The following KIF24 variants were observed in gnomAD, a reference collection of about 807,000 sequenced individuals.
KIF24 encodes kinesin family member 24.
Under a neutral mutation model 118.9 loss-of-function variants are expected in KIF24, and 81 were observed. The ratio of observed to expected loss-of-function variants is 0.68; its 90% CI spans 0.57 to 0.82. KIF24 has a LOEUF of 0.82. Among genes scored for constraint, KIF24 ranks in the 40% least tolerant of loss-of-function variants. KIF24 has a pLI of 0.00. For missense variants in KIF24, 1,560 were observed against 1,661.6 expected, an observed-to-expected ratio of 0.94 and a Z score of 1.06; for synonymous variants, 599 against 610.0, an observed-to-expected ratio of 0.98 and a Z score of 0.27.
chr9:34,262,712 A>ATATATATATATATG (rs1278590736), intron 9 of KIF24, among the ~76,000 whole-genome samples: 5 of 50,254 alleles, frequency 9.9e-5, no homozygotes, highest in African/African-American at 3.1e-4. Flanking sequence ...ATATATATAT[A>ATATATATATATATG]TGGCCAGGCA....
chr9:34,317,984 T>C (rs562082285), intron 1 of KIF24, among the ~76,000 whole-genome samples: 6 of 152,312 alleles, frequency 3.9e-5, no homozygotes, highest in African/African-American at 1.4e-4. Flanking sequence ...CTTAAAATCT[T>C]AATTTTTTTT....
At position 34,311,288 on chromosome 9, in the gene KIF24, T is replaced by C; in HGVS notation, c.59A>G (p.His20Arg). Residue 20 changes from histidine to arginine, a missense_variant, in exon 2 of 13, where the codon CAT becomes CGT. Coordinates refer to ENST00000402558, the MANE Select transcript of KIF24 (RefSeq NM_194313.4). ...CEAELAQYYS[H>R]FTALGLQKID... Reference sequence around the variant, plus strand: ...TTTCTGAAGGCCAAGGGCAGTGAAATGAGAATAATACTGTGCAAGTTCAGC... The same window carrying C: ...TTTCTGAAGGCCAAGGGCAGTGAAACGAGAATAATACTGTGCAAGTTCAGC... The C allele has an allele frequency of 6.2e-7, 1 of 1,610,434 alleles. No homozygotes were observed. Among genetic ancestry groups the C allele is most frequent in the East Asian group, 2.2e-5 (1 of 44,842 alleles).
rs1213493493 is a variant in KIF24, at chr9:34,321,603, C to CTT, written c.-26+7501_-26+7502dup. On this transcript the variant is annotated intron_variant, in intron 1 of 12. Transcript: ENST00000402558. ...AGCTATACATACATACATACTTCTT[C>CTT]TTTTTTTTTTTTTTTTTTTTAGAGA... Among the ~76,000 whole-genome samples the CTT allele has an allele frequency of 9.5e-3, 944 of 99,206 alleles. 17 individuals carry two copies. The highest frequency in any genetic ancestry group is 0.013 in the African/African-American group (361 of 27,880). The allele number at this position is 99,206 out of a possible 152,430, so 65.1% of individuals were successfully genotyped here. A position where few individuals can be genotyped will look rare whatever the true frequency, so the allele number is the denominator to read the frequency against.
Position 34,317,924 on chromosome 9 carries a change from G to A in KIF24, c.-25-6553C>T, listed in dbSNP as rs147665887. 5.4e-3 allele frequency among the ~76,000 whole-genome samples: 825 copies of A among 152,226 alleles called. 8 individuals carry two copies. The highest frequency in any genetic ancestry group is 0.012 in the African/African-American group (513 of 41,530). On this transcript the variant is annotated intron_variant, in intron 1 of 12. Transcript: ENST00000402558. ...CTATCCATGGTTTCAGGCATCCACC[G>A]GGGGTCTTGGAATATATCCTCCTTG...
intron 1 of KIF24, among the ~76,000 whole-genome samples, chr9:34,325,746 G>T (rs1837653029): frequency 6.6e-6 from 1 of 152,062 alleles, no homozygotes; most frequent in African/African-American, 2.4e-5. Flanking sequence ...TTCAATAATT[G>T]TTTAATGAAT....
chr9:34,322,005 G>C (rs1396372130), intron 1 of KIF24, among the ~76,000 whole-genome samples: 2 of 152,046 alleles, frequency 1.3e-5, no homozygotes, highest in Non-Finnish European at 2.9e-5. Flanking sequence ...ATAATATTTG[G>C]TCCATGAAGG....
chr9:34,270,660 T>C (rs1835470468), intron 7 of KIF24, among the ~76,000 whole-genome samples: 1 of 148,928 alleles, frequency 6.7e-6, no homozygotes, highest in Admixed American at 6.7e-5. Flanking sequence ...GGCTGCGACA[T>C]CTGTCACCCC....
intron 1 of KIF24, among the ~76,000 whole-genome samples, chr9:34,322,401 C>T (rs1384815860): frequency 2.0e-5 from 3 of 151,860 alleles, no homozygotes; most frequent in Non-Finnish European, 2.9e-5. Context: ...GATGAGGTCT[C>T]AATGTTGCCC....
Position 34,256,834 on chromosome 9 carries a change from T to TA in KIF24, c.2772dup (p.Thr925TyrfsTer25), listed in dbSNP as rs765305313. ...TCTCTGGGAGAAGGCCCTGAGGAAGTAGAGTTCTCTCTGCTCCAGTCCACG... is the reference window on the plus strand; with the variant it reads ...TCTCTGGGAGAAGGCCCTGAGGAAGTAAGAGTTCTCTCTGCTCCAGTCCACG... On this transcript the variant is annotated frameshift_variant, in exon 11 of 13. Transcript: ENST00000402558. LOFTEE classifies it high-confidence loss of function. The TA allele has an allele frequency of 4.3e-6, 7 of 1,613,980 alleles. No homozygotes were observed. The highest frequency in any genetic ancestry group is 2.2e-5 in the East Asian group (1 of 44,886).
chr9:34,272,054 G>C, intron 6 of KIF24, 124 bp from the exon 7 acceptor site: 1 of 772,252 alleles, frequency 1.3e-6, no homozygotes, highest in Non-Finnish European at 2.0e-6. Context: ...AGTTTTTTCT[G>C]TCCAGGTGGA....
chr9:34,327,716 T>C (rs529584866), intron 1 of KIF24, among the ~76,000 whole-genome samples: 13 of 152,176 alleles, frequency 8.5e-5, no homozygotes, highest in African/African-American at 3.1e-4. Context: ...TTCAATTCTT[T>C]GATTTTCCAG....
chr9:34,298,281 C>CA (rs1836562657), intron 3 of KIF24, among the ~76,000 whole-genome samples: 1 of 152,020 alleles, frequency 6.6e-6, no homozygotes, highest in African/African-American at 2.4e-5. Flanking sequence ...GCAGTGGCTC[C>CA]ACACCTGTAA....
chr9:34,282,587 T>C (rs547695643), intron 6 of KIF24: 1 of 152,268 alleles, frequency 6.6e-6, no homozygotes, highest in Non-Finnish European at 1.5e-5. Context: ...AGCAAGCTCC[T>C]ACTCCATCTC....
chr9:34,285,074 AG>A (rs907518034), intron 6 of KIF24, among the ~76,000 whole-genome samples: 10 of 152,292 alleles, frequency 6.6e-5, no homozygotes, highest in Admixed American at 1.3e-4. Flanking sequence ...AGTGGGGAAC[AG>A]GGGAAGTGGG....
chr9:34,277,437 G>T (rs1419873262), intron 6 of KIF24, among the ~76,000 whole-genome samples: 1 of 152,178 alleles, frequency 6.6e-6, no homozygotes, highest in Non-Finnish European at 1.5e-5. Context: ...GAGACCTAGT[G>T]AGAGCTCAGA....
intron 1 of KIF24, among the ~76,000 whole-genome samples, chr9:34,320,332 C>CAAAAAAAAAAAAA (rs66835823): frequency 2.8e-5 from 3 of 106,306 alleles, no homozygotes; most frequent in Non-Finnish European, 5.6e-5. Context: ...AATGTTCCAA[C>CAAAAAAAAAAAAA]AAAAAAAAAA....
chr9:34,306,214 A>C, intron 3 of KIF24, 38 bp downstream of exon 3: 1 of 1,356,746 alleles, frequency 7.4e-7, no homozygotes, highest in East Asian at 2.3e-5. Context: ...GACATACTTG[A>C]TAATATTAGT....
chr9:34,301,729 C>T (rs1413573674), intron 3 of KIF24, among the ~76,000 whole-genome samples: 17 of 151,736 alleles, frequency 1.1e-4, no homozygotes, highest in Admixed American at 5.3e-4. Context: ...CCCAGCTACT[C>T]GGGAGGCTGA....
chr9:34,298,962 G>C (rs1343967584), intron 3 of KIF24, among the ~76,000 whole-genome samples: 2 of 152,064 alleles, frequency 1.3e-5, no homozygotes, highest in Non-Finnish European at 2.9e-5. Context: ...CATTGGGTCT[G>C]AAAAGCATTA....
Sources: allele counts gnomAD v4.1 joint callset (sites outside exome capture counted in the v4.1 genomes callset), GRCh38; gene constraint gnomAD v4.1.1; transcripts MANE v1.5; gene names NCBI Gene and HGNC (gene_info 2026-07-23, HGNC 2026-07-21).